MAP3K20: variants seen among roughly 807,000 people sequenced by gnomAD.
The protein encoded by MAP3K20 is mitogen-activated protein kinase kinase kinase 20, also known as HCCS-4.
A neutral mutation model predicts 85.7 loss-of-function variants in MAP3K20; 40 were observed. The observed-to-expected ratio is 0.47, with a 90% CI of 0.36 to 0.61. The LOEUF (loss-of-function observed/expected upper bound fraction) is 0.61. MAP3K20 is among the 20% of genes least tolerant of loss of function. The probability of loss-of-function intolerance (pLI) is 0.00; values close to 1 mark genes in which losing one functional copy is unlikely to be tolerated. For missense variants in MAP3K20, 817 were observed against 961.7 expected, an observed-to-expected ratio of 0.85 and a Z score of 1.99; for synonymous variants, 325 against 327.7, an observed-to-expected ratio of 0.99 and a Z score of 0.09.
intron 2 of MAP3K20, among the ~76,000 whole-genome samples, chr2:173,140,023 A>G (rs527837121): frequency 4.6e-5 from 7 of 151,878 alleles, no homozygotes; most frequent in Non-Finnish European, 7.4e-5. Flanking sequence ...TTATTTATTT[A>G]TTTATTAGAT....
At chr2:173,097,818 A>G (rs1400049992) in intron 2 of MAP3K20, among the ~76,000 whole-genome samples, 1 of 152,218 alleles carries the variant, frequency 6.6e-6, no homozygotes, top group Non-Finnish European at 1.5e-5. Flanking sequence ...GTGAAATAGG[A>G]AATATAATCT....
chr2:173,261,983 C>T (rs1253695022), intron 18 of MAP3K20, among the ~76,000 whole-genome samples: 2 of 151,452 alleles, frequency 1.3e-5, no homozygotes, highest in African/African-American at 4.9e-5. Context: ...CACCACTGCA[C>T]TCCAGCCTGG....
intron 4 of MAP3K20, 139 bp downstream of exon 4, chr2:173,183,094 C>G: frequency 3.1e-6 from 2 of 647,754 alleles, no homozygotes; most frequent in Non-Finnish European, 5.3e-6. Context: ...AATTCCACAG[C>G]TGATGGTACA....
At chr2:173,239,346 T>C in intron 15 of MAP3K20, 58 bp from the exon 16 acceptor site, 1 of 1,403,944 alleles carries the variant, frequency 7.1e-7, no homozygotes, top group East Asian at 2.4e-5. Flanking sequence ...TATCATCTTC[T>C]TTACATGAGA....
At chr2:173,217,867 A>T (rs1684123778) in intron 11 of MAP3K20, among the ~76,000 whole-genome samples, 1 of 152,220 alleles carries the variant, frequency 6.6e-6, no homozygotes, top group Non-Finnish European at 1.5e-5. Flanking sequence ...ATTTAGAGGA[A>T]TATAAAAATT....
chr2:173,266,567 C>T lies in MAP3K20; in HGVS notation c.2220C>T (p.Pro740=). 1 of 1,613,752 alleles carries T rather than the reference C, an allele frequency of 6.2e-7. No individual in the cohort carries two copies. The highest frequency in any genetic ancestry group is 8.5e-7 in the Non-Finnish European group (1 of 1,179,910). The change falls in exon 20 of 20, where the codon CCC becomes CCT. Residue 740 remains proline, a synonymous_variant. Transcript: ENST00000375213. The part of the protein sequence containing the change: ...FKRSPRDLHQ[P]NTIPGMPLHP... ...GAAGCCCCAGGGACCTCCACCAACC[C>T]AACACCATACCAGGGATGCCTTTGC...
chr2:173,190,859 A>G (rs1479276039), intron 5 of MAP3K20, 36 bp from the exon 6 acceptor site: 15 of 1,547,398 alleles, frequency 9.7e-6, no homozygotes, highest in East Asian at 2.2e-5. Context: ...AACAAATTAG[A>G]TGATTGTCAT....
chr2:173,242,684 T>C (rs1199161954), intron 16 of MAP3K20, among the ~76,000 whole-genome samples: 1 of 143,758 alleles, frequency 7.0e-6, no homozygotes, highest in Non-Finnish European at 1.5e-5. Flanking sequence ...TGGTCACCCA[T>C]CCAGAGTAAT....
At chr2:173,224,961 C>T (rs1684343126) in intron 11 of MAP3K20, 2 of 938,734 alleles carry the variant, frequency 2.1e-6, no homozygotes, top group South Asian at 1.0e-4. Flanking sequence ...ACTTGATTTA[C>T]AAAAATGTAC....
At chr2:173,213,734 C>T (rs1385158590) in intron 10 of MAP3K20, among the ~76,000 whole-genome samples, 1 of 152,118 alleles carries the variant, frequency 6.6e-6, no homozygotes, top group Admixed American at 6.6e-5. Context: ...GACTTGTGGC[C>T]GTTGTTGTGC....
chr2:173,225,775 G>A, intron 11 of MAP3K20: 3 of 985,076 alleles, frequency 3.0e-6, no homozygotes, highest in Non-Finnish European at 3.6e-6. Flanking sequence ...AATTTTGTGA[G>A]TTTCGTGGCT....
At chr2:173,252,713 C>G (rs1450087263) in intron 16 of MAP3K20, among the ~76,000 whole-genome samples, 1 of 152,222 alleles carries the variant, frequency 6.6e-6, no homozygotes, top group Admixed American at 6.5e-5. Flanking sequence ...TTAGCACTCC[C>G]TGCAAATGCC....
In MAP3K20 at chr2:173,266,620, A is replaced by C; in HGVS notation, c.2273A>C (p.Glu758Ala). 1 of 1,613,984 alleles carries C rather than the reference A, an allele frequency of 6.2e-7. No homozygotes were observed. Among genetic ancestry groups the C allele is most frequent in the Non-Finnish European group, 8.5e-7 (1 of 1,179,992 alleles). The change falls in exon 20 of 20, where the codon GAA becomes GCA. Residue 758 changes from glutamate (E) to alanine (A), a missense_variant. Coordinates refer to ENST00000375213, the MANE Select transcript of MAP3K20 (RefSeq NM_016653.3). ...CCTGAGACTGACTCAAGAGCCAGTG[A>C]AGAGGACAGCAAAGTCAGCGAAGGG... is the stretch of plus-strand genomic sequence containing the variant. Reference protein sequence around the residue: ...LHPETDSRASEEDSKVSEGGW... With the variant: ...LHPETDSRASAEDSKVSEGGW...
At chr2:173,224,643 C>T in intron 11 of MAP3K20, 1 of 985,130 alleles carries the variant, frequency 1.0e-6, no homozygotes, top group South Asian at 4.7e-5. Flanking sequence ...TAAAATTGTT[C>T]TCCTCGTAGA....
At chr2:173,119,073 C>T (rs1167034565) in intron 2 of MAP3K20, among the ~76,000 whole-genome samples, 1 of 152,172 alleles carries the variant, frequency 6.6e-6, no homozygotes, top group Non-Finnish European at 1.5e-5. Flanking sequence ...TTAAAAGACT[C>T]TAAAGAATAT....
chr2:173,099,617 C>G (rs576911353), intron 2 of MAP3K20, among the ~76,000 whole-genome samples: 21 of 152,216 alleles, frequency 1.4e-4, no homozygotes, highest in African/African-American at 4.6e-4. Context: ...TTTGTCTTCC[C>G]TGTCTGGGCA....
At chr2:173,117,179 G>A (rs1347533480) in intron 2 of MAP3K20, among the ~76,000 whole-genome samples, 1 of 152,200 alleles carries the variant, frequency 6.6e-6, no homozygotes, top group Non-Finnish European at 1.5e-5. Context: ...TATCCATAAA[G>A]CAAATCTGAA....
chr2:173,266,693 C>G lies in MAP3K20; in HGVS notation c.2346C>G (p.Pro782=), dbSNP rs746871474. The G allele has an allele frequency of 6.3e-7, 1 of 1,595,676 alleles. No homozygotes were observed. ...EYRKKPHRPS[P]AKTNKERARG... ...GGAAAAAGCCCCACAGGCCATCTCC[C>G]GCCAAAACCAATAAAGAGAGAGCCA... The change falls in exon 20 of 20, where the codon CCC becomes CCG. Residue 782 remains proline (P), a synonymous_variant. Coordinates refer to ENST00000375213, the MANE Select transcript of MAP3K20 (RefSeq NM_016653.3).
chr2:173,177,550 C>T (rs1574081396), intron 3 of MAP3K20, among the ~76,000 whole-genome samples: 2 of 149,590 alleles, frequency 1.3e-5, no homozygotes, highest in Non-Finnish European at 3.0e-5. Flanking sequence ...CAGGTTCAAG[C>T]GATTCTCCTG....
Sources: gnomAD v4.1 joint callset for allele counts (sites outside exome capture counted in the v4.1 genomes callset) on GRCh38, gnomAD v4.1.1 for gene constraint, MANE v1.5 for transcripts, NCBI Gene and HGNC (gene_info 2026-07-23, HGNC 2026-07-21) for gene names.